ARMH3: variants seen among roughly 807,000 people sequenced by gnomAD.
The protein encoded by ARMH3 is armadillo-like helical domain-containing protein 3.
Under a neutral mutation model 99.1 loss-of-function variants are expected in ARMH3, and 60 were observed. The ratio of observed to expected loss-of-function variants is 0.61; its 90% CI spans 0.49 to 0.75. The LOEUF is 0.75. Ranked by LOEUF, ARMH3 falls within the 30% of genes least tolerant of loss-of-function variation. ARMH3 has a pLI of 0.00. For missense variants in ARMH3, 679 were observed against 843.1 expected (o/e 0.81, Z 2.41); for synonymous variants, 285 against 292.8 (o/e 0.97, Z 0.27).
intron 5 of ARMH3, 50 bp downstream of exon 5, chr10:102,029,588 C>G (rs372933720): frequency 1.6e-5 from 26 of 1,614,234 alleles, no homozygotes; most frequent in Non-Finnish European, 2.1e-5. Flanking sequence ...TGTCCAGGAA[C>G]AGCTGTCAGA....
Position 102,035,024 on chromosome 10 carries a change from G to A in ARMH3, c.103-1685C>T, listed in dbSNP as rs915097632. 1.1e-3 allele frequency among the ~76,000 whole-genome samples: 162 copies of A among 152,134 alleles called. 1 individual carries two copies. The highest frequency in any genetic ancestry group is 3.8e-3 in the African/African-American group (157 of 41,504). On this transcript the variant is annotated intron_variant, in intron 2 of 25. Coordinates refer to ENST00000370033, the MANE Select transcript of ARMH3 (RefSeq NM_024541.3). The stretch of plus-strand genomic sequence containing the variant: ...GGCTGAGGCGGGTGGATCACCTGAG[G>A]TCAAGAGTTTGAGACCAGCCTGGCG...
At chr10:101,863,203 T>C (rs2066914200) in intron 24 of ARMH3, among the ~76,000 whole-genome samples, 2 of 152,248 alleles carry the variant, frequency 1.3e-5, no homozygotes, top group South Asian at 4.1e-4. Flanking sequence ...ACCTAAAATA[T>C]AAAGACACAG....
chr10:102,035,648 C>T (rs557311821), intron 2 of ARMH3, among the ~76,000 whole-genome samples: 33 of 152,346 alleles, frequency 2.2e-4, no homozygotes, highest in Admixed American at 1.0e-3. Context: ...GCGAGTGATC[C>T]GCCAGCCTCG....
intron 23 of ARMH3, among the ~76,000 whole-genome samples, chr10:101,906,621 T>C (rs1047539867): frequency 4.6e-5 from 7 of 152,198 alleles, no homozygotes; most frequent in Non-Finnish European, 1.0e-4. Flanking sequence ...TTAAAGTAAC[T>C]GAGATTTCTA....
intron 23 of ARMH3, among the ~76,000 whole-genome samples, chr10:101,925,711 C>T (rs999718740): frequency 6.6e-6 from 1 of 152,056 alleles, no homozygotes; most frequent in East Asian, 1.9e-4. Context: ...GAGTTCGAGA[C>T]CAGCCTGGCC....
At chr10:102,014,340 A>G (rs952564672) in intron 8 of ARMH3, among the ~76,000 whole-genome samples, 2 of 152,358 alleles carry the variant, frequency 1.3e-5, no homozygotes, top group Middle Eastern at 3.4e-3. Context: ...TCTAAAAAGT[A>G]AGTGAGTGCT....
At chr10:101,852,619 C>T (rs2066629773) in intron 24 of ARMH3, among the ~76,000 whole-genome samples, 1 of 151,950 alleles carries the variant, frequency 6.6e-6, no homozygotes, top group African/African-American at 2.4e-5. Context: ...AGTGGTGGTG[C>T]GCACCTATAA....
In ARMH3 at chr10:102,002,011, G is replaced by C; in HGVS notation, c.1110C>G (p.Thr370=). Residue 370 remains threonine (T), a synonymous_variant, in exon 15 of 26, where the codon ACC becomes ACG. Coordinates refer to ENST00000370033, the MANE Select transcript of ARMH3 (RefSeq NM_024541.3). ...TGACAATTGAGCTATACTTTAAAAA[G>C]GTTATCAGTAGATTACTGGTCTGTA... ...ADVQTSNLLI[T]FLKYSSIVMQ... is the part of the protein sequence containing the mutation. 3 of 1,614,104 alleles carry C rather than the reference G, an allele frequency of 1.9e-6. No homozygotes were observed. Among genetic ancestry groups the C allele is most frequent in the Non-Finnish European group, 2.5e-6 (3 of 1,180,006 alleles).
At chr10:101,855,464 C>A (rs976600873) in intron 24 of ARMH3, among the ~76,000 whole-genome samples, 5 of 151,100 alleles carry the variant, frequency 3.3e-5, no homozygotes, top group African/African-American at 1.2e-4. Flanking sequence ...AATCTCAGCA[C>A]TTTGGGAGGC....
intron 19 of ARMH3, among the ~76,000 whole-genome samples, chr10:101,985,942 T>G (rs1590135950): frequency 6.6e-6 from 1 of 151,484 alleles, no homozygotes; most frequent in Non-Finnish European, 1.5e-5. Context: ...CATTTGAACC[T>G]GGGGGGCGGA....
intron 8 of ARMH3, among the ~76,000 whole-genome samples, chr10:102,015,292 G>T (rs1198348715): frequency 6.6e-6 from 1 of 152,034 alleles, no homozygotes. Flanking sequence ...TAGATATGCT[G>T]CCATGATGAG....
chr10:101,897,346 G>C (rs1466076490), intron 23 of ARMH3, among the ~76,000 whole-genome samples: 2 of 152,136 alleles, frequency 1.3e-5, no homozygotes, highest in South Asian at 4.1e-4. Flanking sequence ...TGCTTCTGGA[G>C]ATCCAGAATC....
intron 19 of ARMH3, among the ~76,000 whole-genome samples, chr10:101,985,264 A>G (rs1163544682): frequency 3.4e-5 from 5 of 148,924 alleles, no homozygotes; most frequent in East Asian, 3.9e-4. Flanking sequence ...ATATATGTGT[A>G]TATACGTATG....
At chr10:102,027,319 T>C (rs183078004) in intron 5 of ARMH3, among the ~76,000 whole-genome samples, 2 of 149,958 alleles carry the variant, frequency 1.3e-5, no homozygotes, top group African/African-American at 4.9e-5. Flanking sequence ...GGCATCACTG[T>C]AATAGTTCTG....
chr10:102,003,417 C>A (rs1485851261), intron 14 of ARMH3, among the ~76,000 whole-genome samples: 1 of 152,206 alleles, frequency 6.6e-6, no homozygotes, highest in Non-Finnish European at 1.5e-5. Flanking sequence ...CCACCTCGGG[C>A]CTCCCAAAGT....
chr10:102,022,149 G>A (rs2066899761), intron 8 of ARMH3, among the ~76,000 whole-genome samples: 3 of 151,942 alleles, frequency 2.0e-5, no homozygotes, highest in Admixed American at 6.6e-5. Flanking sequence ...GTATAAAGAC[G>A]CTCTCTCATG....
At chr10:101,889,794 A>G in intron 23 of ARMH3, 1 of 307,152 alleles carries the variant, frequency 3.3e-6, no homozygotes, top group South Asian at 3.9e-5. Flanking sequence ...AAGGGAACCC[A>G]GAGGGCTGTC....
intron 1 of ARMH3, among the ~76,000 whole-genome samples, chr10:102,045,410 A>T (rs1291771879): frequency 6.6e-6 from 1 of 152,174 alleles, no homozygotes; most frequent in Non-Finnish European, 1.5e-5. Flanking sequence ...CAACTGAGAG[A>T]TTAAAGTAGG....
intron 22 of ARMH3, among the ~76,000 whole-genome samples, chr10:101,954,903 C>T (rs1844958777): frequency 6.6e-6 from 1 of 152,136 alleles, no homozygotes; most frequent in Non-Finnish European, 1.5e-5. Flanking sequence ...GGGTTTATCT[C>T]ATTTGACTAG....
Sources: allele counts gnomAD v4.1 joint callset (sites outside exome capture counted in the v4.1 genomes callset), GRCh38; gene constraint gnomAD v4.1.1; transcripts MANE v1.5; gene names NCBI Gene and HGNC (gene_info 2026-07-23, HGNC 2026-07-21).